CACNB2: variants seen among roughly 807,000 people sequenced by gnomAD.
CACNB2 encodes the protein calcium voltage-gated channel auxiliary subunit beta 2.
In CACNB2, 42 loss-of-function variants were observed where a neutral mutation model predicts 73.3. The observed-to-expected ratio is 0.57, with a 90% CI of 0.45 to 0.74. The LOEUF is 0.74. Ranked by LOEUF, CACNB2 falls within the 30% of genes least tolerant of loss-of-function variation. The pLI, the probability that CACNB2 is intolerant of heterozygous loss-of-function variation, is 0.00. For missense variants in CACNB2, 940 were observed against 853.0 expected (o/e 1.10, Z -1.27); for synonymous variants, 348 against 310.3 (o/e 1.12, Z -1.28).
chr10:18,523,806 C>G (rs2052166730), intron 9 of CACNB2, among the ~76,000 whole-genome samples: 1 of 152,160 alleles, frequency 6.6e-6, no homozygotes, highest in African/African-American at 2.4e-5. Flanking sequence ...TGAATTATTC[C>G]TTAATCATCT....
At chr10:18,482,260 A>G (rs1450502782) in intron 3 of CACNB2, among the ~76,000 whole-genome samples, 2 of 152,196 alleles carry the variant, frequency 1.3e-5, no homozygotes, top group African/African-American at 2.4e-5. Flanking sequence ...TAAGCACAAT[A>G]TAGTTGCAAA....
intron 2 of CACNB2, among the ~76,000 whole-genome samples, chr10:18,252,402 C>T (rs1027024717): frequency 2.0e-5 from 3 of 152,114 alleles, no homozygotes; most frequent in Non-Finnish European, 4.4e-5. Flanking sequence ...CATAACCGAC[C>T]GAGTTTCACT....
intron 2 of CACNB2, among the ~76,000 whole-genome samples, chr10:18,250,146 A>G (rs2037031092): frequency 6.6e-6 from 1 of 152,134 alleles, no homozygotes; most frequent in Non-Finnish European, 1.5e-5. Flanking sequence ...TATCTGAACT[A>G]TTGCAATAGT....
chr10:18,150,849 A>ATTTTTTT, intron 1 of CACNB2, 34 bp from the exon 2 acceptor site: 1 of 814,872 alleles, frequency 1.2e-6, no homozygotes, highest in Non-Finnish European at 1.6e-6. Flanking sequence ...TAATAATCTT[A>ATTTTTTT]TTTGTCTTTT....
intron 2 of CACNB2, among the ~76,000 whole-genome samples, chr10:18,256,303 A>G (rs973373909): frequency 1.3e-5 from 2 of 152,252 alleles, no homozygotes; most frequent in Admixed American, 6.5e-5. Flanking sequence ...ATCACAGACA[A>G]GTATACAAGC....
At chr10:18,399,264 A>G (rs2043868999) in intron 2 of CACNB2, among the ~76,000 whole-genome samples, 1 of 152,206 alleles carries the variant, frequency 6.6e-6, no homozygotes, top group Admixed American at 6.5e-5. Context: ...TAGGAAGATC[A>G]GGAATCCCCT....
intron 3 of CACNB2, among the ~76,000 whole-genome samples, chr10:18,448,875 G>A (rs2046873151): frequency 6.6e-6 from 1 of 152,232 alleles, no homozygotes; most frequent in Admixed American, 6.5e-5. Flanking sequence ...CACTGGAATT[G>A]GAGAATTATG....
intron 2 of CACNB2, chr10:18,182,025 TG>T (rs1275229164): frequency 6.6e-6 from 1 of 152,244 alleles, no homozygotes; most frequent in African/African-American, 2.4e-5. Flanking sequence ...GGGCTGATTT[TG>T]GTACCAAAGA....
At position 18,278,551 on chromosome 10, in the gene CACNB2, T is replaced by C. The variant is rs867380523; in HGVS notation, c.214-123373T>C. On this transcript the variant is annotated intron_variant, in intron 2 of 13. Transcript: ENST00000324631. ...AGAGAAAAACAAAGAAAATGAAACATAAATATGATGATTTTATCTTTTTCT... is the reference window on the plus strand; with the variant it reads ...AGAGAAAAACAAAGAAAATGAAACACAAATATGATGATTTTATCTTTTTCT... Among the ~76,000 whole-genome samples, 17 of 152,060 alleles carry C rather than the reference T, an allele frequency of 1.1e-4. 1 individual carries two copies. The highest frequency in any genetic ancestry group is 5.9e-4 in the Admixed American group (9 of 15,268).
chr10:18,217,995 T>A (rs1388930294), intron 2 of CACNB2, among the ~76,000 whole-genome samples: 15 of 152,170 alleles, frequency 9.9e-5, no homozygotes, highest in Non-Finnish European at 1.5e-5. Context: ...TTCGGTATAA[T>A]ACTGGGTCAT....
chr10:18,172,428 G>C (rs1199900295), intron 2 of CACNB2, among the ~76,000 whole-genome samples: 1 of 152,174 alleles, frequency 6.6e-6, no homozygotes, highest in African/African-American at 2.4e-5. Context: ...CTCTTCTCTT[G>C]AATCTTCACT....
chr10:18,184,154 T>C (rs2034030805), intron 2 of CACNB2, among the ~76,000 whole-genome samples: 1 of 152,190 alleles, frequency 6.6e-6, no homozygotes, highest in South Asian at 2.1e-4. Flanking sequence ...CTTACCCCAA[T>C]GCCAGACCTA....
intron 3 of CACNB2, among the ~76,000 whole-genome samples, chr10:18,432,944 C>A (rs564505221): frequency 6.6e-6 from 1 of 152,078 alleles, no homozygotes; most frequent in African/African-American, 2.4e-5. Flanking sequence ...TATTTTAACA[C>A]CTTTGAGATA....
At chr10:18,151,068 A>G (rs946408794) in intron 2 of CACNB2, 93 bp downstream of exon 2, 4 of 824,284 alleles carry the variant, frequency 4.9e-6, no homozygotes, top group Non-Finnish European at 8.5e-6. Flanking sequence ...AGATTTATGT[A>G]GTATGATTGT....
chr10:18,234,364 CA>C (rs1455975380), intron 2 of CACNB2: 2 of 152,096 alleles, frequency 1.3e-5, no homozygotes, highest in Non-Finnish European at 2.9e-5. Context: ...ATAAAATTAC[CA>C]TGTGATCAGC....
Position 18,539,547 on chromosome 10 carries a change from C to T in CACNB2, c.1806C>T (p.His602=), listed in dbSNP as rs1472987021. Residue 602 remains histidine (H), a synonymous_variant, in exon 14 of 14, where the codon CAC becomes CAT. Transcript: ENST00000324631. ...DETHGSSDHR[H]RESRHRSRDV... The stretch of plus-strand genomic sequence containing the variant: ...CCCACGGGAGCAGTGACCACAGACA[C>T]AGGGAGTCCCGGCACCGTTCCCGGG... 1 of 1,613,732 alleles carries T rather than the reference C, an allele frequency of 6.2e-7. No homozygotes were observed. The highest frequency in any genetic ancestry group is 1.3e-5 in the African/African-American group (1 of 74,898).
chr10:18,220,740 T>C (rs143410759), intron 2 of CACNB2, among the ~76,000 whole-genome samples: 18 of 152,224 alleles, frequency 1.2e-4, no homozygotes, highest in African/African-American at 2.6e-4. Flanking sequence ...CAGATTCTCA[T>C]AGGAGCGTGC....
intron 2 of CACNB2, among the ~76,000 whole-genome samples, chr10:18,300,913 G>A (rs1461764249): frequency 6.6e-6 from 1 of 152,154 alleles, no homozygotes; most frequent in Admixed American, 6.5e-5. Flanking sequence ...GGGAAAAAAA[G>A]TAACAGAATA....
intron 5 of CACNB2, among the ~76,000 whole-genome samples, chr10:18,501,630 C>G (rs888262073): frequency 6.6e-6 from 1 of 152,230 alleles, no homozygotes; most frequent in Non-Finnish European, 1.5e-5. Flanking sequence ...GGTCTAAGGA[C>G]GCAGCATGCC....
Sources: gnomAD v4.1 joint callset for allele counts (sites outside exome capture counted in the v4.1 genomes callset) on GRCh38, gnomAD v4.1.1 for gene constraint, MANE v1.5 for transcripts, NCBI Gene and HGNC (gene_info 2026-07-23, HGNC 2026-07-21) for gene names.